Variants in NTM observed in about 807,000 individuals in gnomAD.
The protein encoded by NTM is IgLON family member 2.
A neutral mutation model predicts 42.1 loss-of-function variants in NTM; 13 were observed. The ratio of observed to expected loss-of-function variants is 0.31; its 90% CI spans 0.20 to 0.49. NTM has a LOEUF of 0.49. NTM is among the 20% of genes least tolerant of loss of function. The pLI is 0.99. For missense variants in NTM, 373 were observed against 452.8 expected, an observed-to-expected ratio of 0.82 and a Z score of 1.60; for synonymous variants, 187 against 179.2, an observed-to-expected ratio of 1.04 and a Z score of -0.35.
At chr11:132,194,358 A>G (rs371054800) in intron 3 of NTM, among the ~76,000 whole-genome samples, 5 of 151,172 alleles carry the variant, frequency 3.3e-5, no homozygotes, top group Admixed American at 1.3e-4. Flanking sequence ...ATTAAAAAAA[A>G]CAAAATAACA....
At chr11:131,704,768 A>G (rs892721299) in intron 1 of NTM, among the ~76,000 whole-genome samples, 3 of 152,232 alleles carry the variant, frequency 2.0e-5, no homozygotes, top group Non-Finnish European at 4.4e-5. Context: ...TAATAAGTTC[A>G]ACAAAAAGAA....
intron 1 of NTM, among the ~76,000 whole-genome samples, chr11:131,674,575 G>T (rs536080259): frequency 6.6e-6 from 1 of 152,210 alleles, no homozygotes; most frequent in Non-Finnish European, 1.5e-5. Context: ...GTGTGGGATT[G>T]CTTCATTTCA....
chr11:131,720,629 A>G (rs789553), intron 1 of NTM, among the ~76,000 whole-genome samples: 27,512 of 152,074 alleles, frequency 0.18, 2,577 homozygotes, highest in Middle Eastern at 0.23. Context: ...CTAGACTTGA[A>G]CTCTTTCTAT....
intron 2 of NTM, among the ~76,000 whole-genome samples, chr11:132,140,560 T>C (rs540720173): frequency 1.5e-4 from 23 of 152,338 alleles, no homozygotes; most frequent in African/African-American, 5.5e-4. Flanking sequence ...CACACAAGTT[T>C]AGAGTCTAAA....
chr11:131,656,470 T>C (rs1440547871), intron 1 of NTM, among the ~76,000 whole-genome samples: 5 of 152,238 alleles, frequency 3.3e-5, no homozygotes, highest in Non-Finnish European at 7.3e-5. Context: ...ACTGCAGGCA[T>C]TGGGAACCAT....
At chr11:132,000,084 A>G (rs1321897394) in intron 2 of NTM, among the ~76,000 whole-genome samples, 4 of 152,164 alleles carry the variant, frequency 2.6e-5, no homozygotes, top group African/African-American at 9.7e-5. Context: ...ATATCGGTAC[A>G]TTCAGGTGAG....
chr11:131,607,646 C>A (rs540306961), intron 1 of NTM, among the ~76,000 whole-genome samples: 10 of 152,232 alleles, frequency 6.6e-5, no homozygotes, highest in Non-Finnish European at 1.3e-4. Context: ...AAATGCTAGA[C>A]CAGCTGTGTG....
chr11:131,757,954 C>T (rs1370623636), intron 1 of NTM, among the ~76,000 whole-genome samples: 2 of 152,158 alleles, frequency 1.3e-5, no homozygotes, highest in Non-Finnish European at 2.9e-5. Context: ...TAATGTTTAG[C>T]TATTATTCTA....
intron 4 of NTM, among the ~76,000 whole-genome samples, chr11:132,222,595 G>T (rs911205243): frequency 6.6e-6 from 1 of 152,066 alleles, no homozygotes; most frequent in African/African-American, 2.4e-5. Flanking sequence ...AGTTCCTCAA[G>T]GCCCCAGTCT....
intron 2 of NTM, among the ~76,000 whole-genome samples, chr11:132,072,385 C>G: frequency 6.6e-6 from 1 of 152,176 alleles, no homozygotes; most frequent in East Asian, 1.9e-4. Context: ...AATTAGGAGT[C>G]TCTTAGAACA....
chr11:132,035,576 T>C (rs967540438), intron 2 of NTM, among the ~76,000 whole-genome samples: 4 of 152,142 alleles, frequency 2.6e-5, no homozygotes, highest in African/African-American at 9.7e-5. Flanking sequence ...GTTTCAAAGG[T>C]CTGCAGATTA....
chr11:131,801,158 C>T (rs1360793069), intron 1 of NTM, among the ~76,000 whole-genome samples: 6 of 152,294 alleles, frequency 3.9e-5, no homozygotes, highest in East Asian at 1.9e-4. Context: ...CTGTGACCCA[C>T]GTGAACTACT....
chr11:131,720,619 C>T (rs4616050), intron 1 of NTM, among the ~76,000 whole-genome samples: 6,122 of 152,292 alleles, frequency 0.04, 411 homozygotes, highest in African/African-American at 0.14. Context: ...TGCCCAGCAC[C>T]TAGACTTGAA....
chr11:131,658,986 G>A (rs919585739), intron 1 of NTM, among the ~76,000 whole-genome samples: 1 of 152,078 alleles, frequency 6.6e-6, no homozygotes, highest in Non-Finnish European at 1.5e-5. Flanking sequence ...AAAACAAATA[G>A]ATGTAAGCAC....
At position 132,002,351 on chromosome 11, in the gene NTM, T is replaced by A. The variant is rs575271406; in HGVS notation, c.167+90703T>A. Among the ~76,000 whole-genome samples the A allele has an allele frequency of 6.6e-6, 1 of 152,186 alleles. No homozygotes were observed. The highest frequency in any genetic ancestry group is 1.5e-5 in the Non-Finnish European group (1 of 68,026). ...TATGCTGGTGTATCATATATTTTAA[T>A]AAGAATTCAGAAATGGGAGTTTTCT... is the stretch of plus-strand genomic sequence containing the variant. On this transcript the variant is annotated intron_variant, in intron 2 of 8. Coordinates refer to ENST00000683400, the MANE Select transcript of NTM (RefSeq NM_001352005.2). The surrounding 1 kb of genome is among the most constrained non-coding windows in gnomAD (Gnocchi z 4.5).
chr11:132,041,957 G>A (rs1261295509), intron 2 of NTM, among the ~76,000 whole-genome samples: 1 of 152,176 alleles, frequency 6.6e-6, no homozygotes, highest in East Asian at 1.9e-4. Context: ...ATTGTTATAT[G>A]TTGTTAGTGG....
At chr11:131,664,013 G>A (rs2068553995) in intron 1 of NTM, among the ~76,000 whole-genome samples, 2 of 152,208 alleles carry the variant, frequency 1.3e-5, no homozygotes, top group African/African-American at 4.8e-5. Flanking sequence ...AGAGCAGAAG[G>A]TGACAGGAAA....
At chr11:131,758,393 A>G (rs1390666094) in intron 1 of NTM, among the ~76,000 whole-genome samples, 2 of 151,978 alleles carry the variant, frequency 1.3e-5, no homozygotes, top group African/African-American at 2.4e-5. Context: ...CACTTTCATT[A>G]TGAAACACTG....
chr11:131,677,894 G>A (rs2071710477), intron 1 of NTM, among the ~76,000 whole-genome samples: 1 of 152,184 alleles, frequency 6.6e-6, no homozygotes, highest in Non-Finnish European at 1.5e-5. Context: ...CACACAGCTG[G>A]TCAGCAAGCC....
Sources: allele counts gnomAD v4.1 joint callset (sites outside exome capture counted in the v4.1 genomes callset), GRCh38; gene constraint gnomAD v4.1.1; non-coding constraint Gnocchi (gnomAD v3.1); transcripts MANE v1.5; gene names NCBI Gene and HGNC (gene_info 2026-07-23, HGNC 2026-07-21).